RANBP2: variants seen among roughly 807,000 people sequenced by gnomAD.
RANBP2 encodes RAN binding protein 2, also known as E3 SUMO-protein ligase RanBP2.
In RANBP2, 57 loss-of-function variants were observed where a neutral mutation model predicts 303.6. That is an observed-to-expected ratio of 0.19 (90% CI 0.15 to 0.23). RANBP2 has a LOEUF of 0.23. RANBP2 is among the 10% of genes least tolerant of loss of function. The pLI is 1.00. For synonymous variants in RANBP2, 1,167 were observed against 1,301.5 expected (o/e 0.90, Z 2.23); for missense variants, 3,138 against 3,780.8 (o/e 0.83, Z 4.46).
chr2:109,338,030 G>C, the RANBP2 span, among the ~76,000 whole-genome samples: 27 of 152,016 alleles, frequency 1.8e-4, no homozygotes, highest in Admixed American at 1.8e-3. Context: ...CCGCGCCCAG[G>C]CTCCTTCTGT....
At chr2:109,130,818 G>A in the RANBP2 span, among the ~76,000 whole-genome samples, 1 of 152,082 alleles carries the variant, frequency 6.6e-6, no homozygotes, top group Admixed American at 6.5e-5. Flanking sequence ...CGCTGCTTCT[G>A]TTTTAGACGA....
At chr2:108,985,638 A>G in the RANBP2 span, among the ~76,000 whole-genome samples, 3 of 152,178 alleles carry the variant, frequency 2.0e-5, no homozygotes, top group African/African-American at 2.4e-5. Context: ...CTTCACCCAC[A>G]TGTGTCTGCT....
the RANBP2 span, among the ~76,000 whole-genome samples, chr2:109,470,107 C>G: frequency 6.6e-6 from 1 of 152,346 alleles, no homozygotes; most frequent in East Asian, 1.9e-4. Context: ...CTAATGAAGA[C>G]AAAGCCACCT....
the RANBP2 span, among the ~76,000 whole-genome samples, chr2:109,293,092 G>T: frequency 6.6e-6 from 1 of 152,192 alleles, no homozygotes; most frequent in Non-Finnish European, 1.5e-5. Context: ...CAAGCAGGAA[G>T]GACTGTCTCG....
chr2:108,750,607 A>ATCTTTTCTTTTCTTTTC (rs1558900728), intron 9 of RANBP2, among the ~76,000 whole-genome samples: 9 of 74,962 alleles, frequency 1.2e-4, no homozygotes, highest in Admixed American at 3.0e-4. Flanking sequence ...CTTTTCTTTG[A>ATCTTTTCTTTTCTTTTC]GACAGAGTCT....
chr2:109,312,212 TA>T, the RANBP2 span, among the ~76,000 whole-genome samples: 1 of 152,184 alleles, frequency 6.6e-6, no homozygotes, highest in African/African-American at 2.4e-5. Context: ...CACAGTTTAG[TA>T]AACAAAACAC....
chr2:109,562,882 T>C, the RANBP2 span, among the ~76,000 whole-genome samples: 1 of 151,918 alleles, frequency 6.6e-6, no homozygotes, highest in Non-Finnish European at 1.5e-5. Flanking sequence ...TGCCTGAATT[T>C]GGTGAGGGTG....
At chr2:109,008,906 AAAAAG>A in the RANBP2 span, among the ~76,000 whole-genome samples, 318 of 150,996 alleles carry the variant, frequency 2.1e-3, 1 homozygote, top group African/African-American at 4.7e-3. Context: ...CTCAAAAAAA[AAAAAG>A]AAAAGAAAAG....
chr2:109,123,980 T>TTTTATTTA, the RANBP2 span, among the ~76,000 whole-genome samples: 784 of 147,586 alleles, frequency 5.3e-3, 4 homozygotes, highest in East Asian at 0.027. Flanking sequence ...TTCTTTTCAG[T>TTTTATTTA]TTTATTTATT....
the RANBP2 span, among the ~76,000 whole-genome samples, chr2:108,815,291 G>A: frequency 6.6e-6 from 1 of 151,752 alleles, no homozygotes; most frequent in South Asian, 2.1e-4. Flanking sequence ...CTTAAGTTAA[G>A]GCTAATTTTA....
rs35379921 is a variant in RANBP2, at chr2:108,722,256, CT to C, written c.72+2586del. On this transcript the variant is annotated intron_variant, in intron 1 of 28. Coordinates refer to ENST00000283195, the MANE Select transcript of RANBP2 (RefSeq NM_006267.5). Reference sequence around the variant, plus strand: ...ATGACACCTCTCTTACACTTAGAGTCTTTTTTTTCCCCCAAATTTAAAGTCA... The same window carrying C: ...ATGACACCTCTCTTACACTTAGAGTCTTTTTTTCCCCCAAATTTAAAGTCA... 4.5e-3 allele frequency among the ~76,000 whole-genome samples: 690 copies of C among 151,982 alleles called. 4 individuals carry two copies. The highest frequency in any genetic ancestry group is 0.016 in the African/African-American group (659 of 41,450).
the RANBP2 span, among the ~76,000 whole-genome samples, chr2:109,652,534 T>C: frequency 2.0e-5 from 3 of 152,096 alleles, no homozygotes; most frequent in East Asian, 5.8e-4. Flanking sequence ...CATCACCGTA[T>C]CCTGAGAAAC....
chr2:109,419,599 G>A, the RANBP2 span: 2 of 1,595,754 alleles, frequency 1.3e-6, no homozygotes, highest in Admixed American at 1.7e-5. Flanking sequence ...CTCGGTGTCT[G>A]GAGAGCAGGG....
chr2:108,954,031 G>T, the RANBP2 span, among the ~76,000 whole-genome samples: 133 of 152,284 alleles, frequency 8.7e-4, no homozygotes, highest in Middle Eastern at 3.4e-3. Flanking sequence ...GAGAATTAAA[G>T]GAGCCCCTCT....
the RANBP2 span, among the ~76,000 whole-genome samples, chr2:109,670,813 GT>G: frequency 2.6e-5 from 4 of 152,196 alleles, no homozygotes; most frequent in Non-Finnish European, 5.9e-5. Flanking sequence ...GGCCCTGTGG[GT>G]GGAGGCATCA....
the RANBP2 span, chr2:109,614,848 A>G: frequency 4.3e-5 from 60 of 1,402,812 alleles, no homozygotes; most frequent in African/African-American, 7.9e-4. Flanking sequence ...CGGCTCCCCG[A>G]CGCGGCGGCC....
chr2:108,836,385 C>T, the RANBP2 span, among the ~76,000 whole-genome samples: 1 of 152,184 alleles, frequency 6.6e-6, no homozygotes, highest in Non-Finnish European at 1.5e-5. Flanking sequence ...ATGAATACCA[C>T]ATATTGCTTA....
intron 12 of RANBP2, 40 bp from the exon 13 acceptor site, chr2:108,752,958 G>A (rs771001347): frequency 2.0e-5 from 32 of 1,605,374 alleles, no homozygotes; most frequent in African/African-American, 1.2e-4. Context: ...CTAATCATGC[G>A]TGTTCCTTAA....
the RANBP2 span, among the ~76,000 whole-genome samples, chr2:109,079,047 C>T: frequency 6.6e-6 from 1 of 152,004 alleles, no homozygotes; most frequent in Non-Finnish European, 1.5e-5. Context: ...GACTGGTAAT[C>T]GGTTCACGAT....
Sources: gnomAD v4.1 joint callset for allele counts (sites outside exome capture counted in the v4.1 genomes callset) on GRCh38, gnomAD v4.1.1 for gene constraint, MANE v1.5 for transcripts, NCBI Gene and HGNC (gene_info 2026-07-23, HGNC 2026-07-21) for gene names.